TCTN2: variants seen among roughly 807,000 people sequenced by gnomAD.
The protein encoded by TCTN2 is tectonic family member 2.
TCTN2 carries 66 observed loss-of-function variants against 83.4 expected under a neutral mutation model. The observed-to-expected ratio is 0.79, with a 90% CI of 0.65 to 0.97. The LOEUF (loss-of-function observed/expected upper bound fraction) is 0.97, where lower values mean the gene tolerates loss of function less well. Among genes scored for constraint, TCTN2 ranks in the 50% least tolerant of loss-of-function variants. The probability of loss-of-function intolerance (pLI) is 0.00; values close to 1 mark genes in which losing one functional copy is unlikely to be tolerated. For synonymous variants in TCTN2, 301 were observed against 326.7 expected (o/e 0.92, Z 0.85); for missense variants, 794 against 858.1 (o/e 0.93, Z 0.93).
At chr12:123,674,385 C>T (rs1566243728) in intron 4 of TCTN2, among the ~76,000 whole-genome samples, 1 of 152,110 alleles carries the variant, frequency 6.6e-6, no homozygotes, top group Non-Finnish European at 1.5e-5. Context: ...ATTCTCCTGC[C>T]TCAGCCTCCC....
intron 4 of TCTN2, among the ~76,000 whole-genome samples, chr12:123,675,612 T>C (rs2135818755): frequency 6.6e-6 from 1 of 152,256 alleles, no homozygotes; most frequent in African/African-American, 2.4e-5. Flanking sequence ...GCCTCCATGA[T>C]GAATGAAGTG....
rs552719113 is a variant in TCTN2, at chr12:123,672,111, C to G, written c.246C>G (p.Ser82Arg). 6.2e-7 allele frequency: 1 copy of G among 1,614,130 alleles called. No homozygotes were observed. The highest frequency in any genetic ancestry group is 1.1e-5 in the South Asian group (1 of 91,080). The change falls in exon 3 of 18, where the codon AGC becomes AGG. Residue 82 changes from serine to arginine, a missense_variant. By Grantham distance (110) the Ser-to-Arg change is moderately radical. Transcript: ENST00000303372. ...GVLNNETEDW[S>R]VTVIPGAKVL... ...TGAACAATGAGACGGAAGACTGGAG[C>G]GTGACTGTGATCCCCGGTGCGGTAA...
At chr12:123,673,560 T>G in intron 3 of TCTN2, 55 bp from the exon 4 acceptor site, 1 of 1,556,462 alleles carries the variant, frequency 6.4e-7, no homozygotes, top group Non-Finnish European at 8.9e-7. Context: ...CATTATGTAT[T>G]CTTATAGACC....
intron 5 of TCTN2, among the ~76,000 whole-genome samples, chr12:123,683,782 G>A (rs1955929282): frequency 6.6e-6 from 1 of 152,086 alleles, no homozygotes; most frequent in Admixed American, 6.5e-5. Context: ...GGGATTACAG[G>A]CGCGTGCCAC....
At chr12:123,703,330 C>T (rs928915648) in intron 14 of TCTN2, among the ~76,000 whole-genome samples, 6 of 151,584 alleles carry the variant, frequency 4.0e-5, no homozygotes, top group Admixed American at 6.6e-5. Flanking sequence ...TACAGGTGTG[C>T]GCCACCATAC....
rs895222303 is a variant in TCTN2, at chr12:123,707,814, C to T, written c.*101C>T. 2.5e-5 allele frequency: 22 copies of T among 882,488 alleles called. No homozygotes were observed. The highest frequency in any genetic ancestry group is 1.5e-4 in the African/African-American group (9 of 61,014). The allele number at this position is 882,488 out of a possible 1,614,324, so 54.7% of individuals were successfully genotyped here. A position where few individuals can be genotyped will look rare whatever the true frequency, so the allele number is the denominator to read the frequency against. ...ACAACCTCCTCCTCTTGGGTTCAAG[C>T]GATTCTCCTGCCTCAGCCTCCGGAG... On this transcript the variant is annotated 3_prime_UTR_variant, in exon 18 of 18. Coordinates refer to ENST00000303372, the MANE Select transcript of TCTN2 (RefSeq NM_024809.5).
intron 17 of TCTN2, chr12:123,707,326 A>C (rs1593872233): frequency 1.6e-6 from 1 of 613,116 alleles, no homozygotes; most frequent in Non-Finnish European, 2.9e-6. Flanking sequence ...AGCTCACTGC[A>C]ACCATTGCCT....
intron 5 of TCTN2, among the ~76,000 whole-genome samples, chr12:123,680,529 T>A (rs1381596950): frequency 6.6e-6 from 1 of 150,690 alleles, no homozygotes; most frequent in Non-Finnish European, 1.5e-5. Context: ...TCTTTTTTTT[T>A]TTTTTGAGAC....
In TCTN2 at chr12:123,672,053, T is replaced by C. The variant is rs779611954; in HGVS notation, c.191-3T>C. The C allele has an allele frequency of 3.2e-5, 52 of 1,613,898 alleles. No homozygotes were observed. The highest frequency in any genetic ancestry group is 2.0e-5 in the Non-Finnish European group (24 of 1,179,926). On this transcript the variant is annotated splice_region_variant and splice_polypyrimidine_tract_variant and intron_variant, in intron 2 of 17. Coordinates refer to ENST00000303372, the MANE Select transcript of TCTN2 (RefSeq NM_024809.5). ...CCTTTGCATGCTGGTCTTCTTTCTT[T>C]AGGAATATTGCCAATTCCGACGTGT...
At chr12:123,699,935 G>A (rs73219037) in intron 14 of TCTN2, 125 bp downstream of exon 14, 9 of 770,216 alleles carry the variant, frequency 1.2e-5, no homozygotes, top group South Asian at 7.0e-5. Flanking sequence ...TTAACTGGAC[G>A]TTTGCCCAGG....
chr12:123,695,115 T>C (rs1956091690), intron 10 of TCTN2, 105 bp from the exon 11 acceptor site: 3 of 1,426,840 alleles, frequency 2.1e-6, no homozygotes, highest in East Asian at 2.3e-5. Flanking sequence ...TTAACGAGAG[T>C]ACACTTTGTA....
chr12:123,702,862 T>C (rs1956188298), intron 14 of TCTN2, among the ~76,000 whole-genome samples: 1 of 152,196 alleles, frequency 6.6e-6, no homozygotes, highest in Non-Finnish European at 1.5e-5. Context: ...AAAAGCAACC[T>C]TGATCCTGGT....
chr12:123,691,739 G>T (rs10846541), intron 8 of TCTN2, among the ~76,000 whole-genome samples: 74,330 of 148,616 alleles, frequency 0.5, 20,212 homozygotes, highest in African/African-American at 0.72. Context: ...TGTTTTTTTG[G>T]TTTTTTTTTT....
intron 4 of TCTN2, among the ~76,000 whole-genome samples, chr12:123,676,140 C>T (rs1246752881): frequency 6.6e-6 from 1 of 152,002 alleles, no homozygotes; most frequent in Non-Finnish European, 1.5e-5. Context: ...ATTAGCTGTG[C>T]GTGGTAGTCG....
chr12:123,680,486 A>G (rs953651063), intron 5 of TCTN2, among the ~76,000 whole-genome samples: 4 of 149,846 alleles, frequency 2.7e-5, no homozygotes, highest in African/African-American at 9.9e-5. Context: ...AGAGCAATAC[A>G]ACATATAAAC....
At position 123,708,124 on chromosome 12, in the gene TCTN2, C is replaced by T. The variant is rs1956255064; in HGVS notation, c.*411C>T. On this transcript the variant is annotated 3_prime_UTR_variant, in exon 18 of 18. Transcript: ENST00000303372. ...CCAAGCAATCCTCCCACCTCAGCCT[C>T]TGGTGTAGCTGGGACCACAGATGCT... is the stretch of plus-strand genomic sequence containing the variant. The T allele has an allele frequency of 4.3e-6, 1 of 230,562 alleles. No homozygotes were observed. Among genetic ancestry groups the T allele is most frequent in the East Asian group, 1.1e-4 (1 of 8,838 alleles). 14.3% of individuals were successfully genotyped at this position (230,562 alleles called of 1,614,324 possible).
rs1005305742 is a variant in TCTN2 at position 123,707,871 on chromosome 12, C to T, written c.*158C>T. On this transcript the variant is annotated 3_prime_UTR_variant, in exon 18 of 18. Coordinates refer to ENST00000303372, the MANE Select transcript of TCTN2 (RefSeq NM_024809.5). ...GATTACAGGCATGCACCACCACGCC[C>T]GGCTAATTTTGTATTTTTAGTAGAG... The T allele has an allele frequency of 3.1e-5, 20 of 654,864 alleles. No homozygotes were observed. Among genetic ancestry groups the T allele is most frequent in the Admixed American group, 1.8e-4 (8 of 43,772 alleles). 40.6% of individuals were successfully genotyped at this position (654,864 alleles called of 1,614,324 possible).
At chr12:123,701,081 A>AT (rs1956167033) in intron 14 of TCTN2, among the ~76,000 whole-genome samples, 1 of 152,222 alleles carries the variant, frequency 6.6e-6, no homozygotes, top group Non-Finnish European at 1.5e-5. Context: ...TGACTTTGTA[A>AT]TTTATAAAGG....
rs1180898312 is a variant in TCTN2 at position 123,707,008 on chromosome 12, A to G, written c.1919A>G (p.Tyr640Cys). 2 of 1,614,030 alleles carry G rather than the reference A, an allele frequency of 1.2e-6. No homozygotes were observed. Among genetic ancestry groups the G allele is most frequent in the East Asian group, 2.2e-5 (1 of 44,894 alleles). The change falls in exon 17 of 18, where the codon TAT (tyrosine) becomes TGT (cysteine). Residue 640 changes from tyrosine to cysteine, a missense_variant. By Grantham distance (194) the Tyr-to-Cys change is radical (BLOSUM62 -2). Coordinates refer to ENST00000303372, the MANE Select transcript of TCTN2 (RefSeq NM_024809.5). Reference protein sequence around the residue: ...LTRFQINYTEYDCNRNEVCWP... With the variant: ...LTRFQINYTECDCNRNEVCWP... ...AGATTCCAGATCAATTATACAGAGTATGACTGCAACAGAAATGAGGTGTGT... is the reference window on the plus strand; with the variant it reads ...AGATTCCAGATCAATTATACAGAGTGTGACTGCAACAGAAATGAGGTGTGT...
Sources: gnomAD v4.1 joint callset for allele counts (sites outside exome capture counted in the v4.1 genomes callset) on GRCh38, gnomAD v4.1.1 for gene constraint, MANE v1.5 for transcripts, NCBI Gene and HGNC (gene_info 2026-07-23, HGNC 2026-07-21) for gene names.